The following MORC1 variants were observed in gnomAD, a reference collection of about 807,000 sequenced individuals.
The protein encoded by MORC1 is MORC family CW-type zinc finger protein 1.
A neutral mutation model predicts 134.9 loss-of-function variants in MORC1; 59 were observed. The ratio of observed to expected loss-of-function variants is 0.44; its 90% CI spans 0.35 to 0.54. The LOEUF (loss-of-function observed/expected upper bound fraction) is 0.54. Among genes scored for constraint, MORC1 ranks in the 20% least tolerant of loss-of-function variants. The pLI is 0.00. For missense variants in MORC1, 947 were observed against 1,134.5 expected (o/e 0.83, Z 2.37); for synonymous variants, 395 against 391.7 (o/e 1.01, Z -0.10).
chr3:109,005,574 A>G (rs1409262795), intron 18 of MORC1, among the ~76,000 whole-genome samples: 1 of 152,176 alleles, frequency 6.6e-6, no homozygotes, highest in Non-Finnish European at 1.5e-5. Flanking sequence ...TTGAGAACAT[A>G]CTGTGCATTC....
At chr3:109,108,178 G>C (rs1324955845) in intron 3 of MORC1, among the ~76,000 whole-genome samples, 1 of 152,154 alleles carries the variant, frequency 6.6e-6, no homozygotes, top group Non-Finnish European at 1.5e-5. Flanking sequence ...AACAGAGTGA[G>C]ACTCCATCTC....
intron 9 of MORC1, among the ~76,000 whole-genome samples, chr3:109,065,366 CT>C (rs1950173639): frequency 2.0e-5 from 3 of 152,120 alleles, no homozygotes; most frequent in Non-Finnish European, 4.4e-5. Flanking sequence ...TGTCTTTGCA[CT>C]TACTGTCCCC....
At chr3:109,084,019 A>G (rs1950570785) in intron 8 of MORC1, among the ~76,000 whole-genome samples, 1 of 152,164 alleles carries the variant, frequency 6.6e-6, no homozygotes, top group Non-Finnish European at 1.5e-5. Context: ...TCAAAATAAT[A>G]AAAACTATGT....
intron 2 of MORC1, among the ~76,000 whole-genome samples, chr3:109,113,980 G>C (rs1161369594): frequency 6.6e-6 from 1 of 152,186 alleles, no homozygotes; most frequent in Non-Finnish European, 1.5e-5. Flanking sequence ...AAGTGCTTAT[G>C]TATGTCTGAT....
At chr3:109,083,447 A>G (rs1374807960) in intron 8 of MORC1, among the ~76,000 whole-genome samples, 1 of 152,196 alleles carries the variant, frequency 6.6e-6, no homozygotes, top group South Asian at 2.1e-4. Flanking sequence ...TCTATCAAAA[A>G]CAATAATATC....
At chr3:109,038,032 T>C (rs1213009439) in intron 14 of MORC1, among the ~76,000 whole-genome samples, 2 of 152,202 alleles carry the variant, frequency 1.3e-5, no homozygotes, top group South Asian at 2.1e-4. Context: ...TCTTCCACAA[T>C]GGTTGAACTA....
At chr3:108,980,411 A>T (rs1947682827) in intron 23 of MORC1, among the ~76,000 whole-genome samples, 1 of 152,070 alleles carries the variant, frequency 6.6e-6, no homozygotes, top group South Asian at 2.1e-4. Flanking sequence ...ATGCTAACTC[A>T]ACTGCCCAGT....
intron 6 of MORC1, among the ~76,000 whole-genome samples, chr3:109,095,309 T>C (rs1950812416): frequency 6.6e-6 from 1 of 152,160 alleles, no homozygotes; most frequent in Non-Finnish European, 1.5e-5. Flanking sequence ...CAACTCCCTC[T>C]TGAAGGGTAG....
intron 17 of MORC1, among the ~76,000 whole-genome samples, chr3:109,012,813 ATC>A (rs775751698): frequency 2.0e-5 from 3 of 152,212 alleles, no homozygotes; most frequent in South Asian, 2.1e-4. Flanking sequence ...TGTAAATATT[ATC>A]TGTTTTCTAC....
chr3:108,989,095 T>A (rs1317463207), intron 21 of MORC1, among the ~76,000 whole-genome samples: 3 of 152,210 alleles, frequency 2.0e-5, no homozygotes, highest in Non-Finnish European at 2.9e-5. Flanking sequence ...GGATGCTGCC[T>A]TCTATTACAA....
At chr3:108,965,272 A>G (rs556853709) in intron 26 of MORC1, among the ~76,000 whole-genome samples, 1 of 152,364 alleles carries the variant, frequency 6.6e-6, no homozygotes. Context: ...AATATCAAAA[A>G]TGGCAAACAT....
intron 21 of MORC1, among the ~76,000 whole-genome samples, chr3:108,990,046 C>T (rs1006388339): frequency 2.0e-5 from 3 of 152,086 alleles, no homozygotes; most frequent in Non-Finnish European, 4.4e-5. Flanking sequence ...GGCAGTTCCC[C>T]TACACATTCT....
intron 20 of MORC1, among the ~76,000 whole-genome samples, chr3:109,002,331 A>C (rs1269250333): frequency 1.3e-5 from 2 of 152,168 alleles, no homozygotes; most frequent in Admixed American, 6.5e-5. Context: ...GATCAGCCTC[A>C]GAAGTGTGTA....
At chr3:108,990,946 T>C (rs994690142) in intron 21 of MORC1, among the ~76,000 whole-genome samples, 2 of 151,106 alleles carry the variant, frequency 1.3e-5, no homozygotes, top group African/African-American at 4.9e-5. Context: ...TTATTTTTCT[T>C]CACAGAATTT....
At chr3:109,076,731 A>C (rs899011129) in intron 8 of MORC1, among the ~76,000 whole-genome samples, 6 of 152,152 alleles carry the variant, frequency 3.9e-5, no homozygotes, top group African/African-American at 9.7e-5. Flanking sequence ...ACAGAAACAG[A>C]AAACCAAATA....
chr3:109,110,852 G>T, intron 2 of MORC1, 69 bp from the exon 3 acceptor site: 3 of 1,184,050 alleles, frequency 2.5e-6, no homozygotes, highest in Non-Finnish European at 3.6e-6. Flanking sequence ...ATAACCTATT[G>T]TCAGATATCA....
At chr3:109,093,784 A>G (rs1950774897) in intron 7 of MORC1, among the ~76,000 whole-genome samples, 1 of 152,160 alleles carries the variant, frequency 6.6e-6, no homozygotes, top group Admixed American at 6.5e-5. Context: ...AATTCATTAC[A>G]AGTCTTTCAA....
intron 17 of MORC1, among the ~76,000 whole-genome samples, chr3:109,022,320 C>T (rs1948977378): frequency 6.6e-6 from 1 of 152,232 alleles, no homozygotes; most frequent in Admixed American, 6.5e-5. Context: ...AAAATGCATT[C>T]ACATTCTTCA....
chr3:108,980,036 A>G (rs1404454199), intron 23 of MORC1, among the ~76,000 whole-genome samples: 1 of 152,214 alleles, frequency 6.6e-6, no homozygotes, highest in African/African-American at 2.4e-5. Flanking sequence ...GCAAAAATCT[A>G]CAATGGATAT....
Sources: gnomAD v4.1 joint callset for allele counts (sites outside exome capture counted in the v4.1 genomes callset) on GRCh38, gnomAD v4.1.1 for gene constraint, MANE v1.5 for transcripts, NCBI Gene and HGNC (gene_info 2026-07-23, HGNC 2026-07-21) for gene names.